The following BMPR1A variants were observed in gnomAD, a reference collection of about 807,000 sequenced individuals.
BMPR1A encodes bone morphogenetic protein receptor type 1A.
A neutral mutation model predicts 66.0 loss-of-function variants in BMPR1A; 7 were observed. The observed-to-expected ratio is 0.11, with a 90% CI of 0.06 to 0.20. BMPR1A has a LOEUF of 0.20. Among genes scored for constraint, BMPR1A ranks in the 10% least tolerant of loss-of-function variants. The pLI, the probability that BMPR1A is intolerant of heterozygous loss-of-function variation, is 1.00. For synonymous variants in BMPR1A, 200 were observed against 229.7 expected (o/e 0.87, Z 1.17); for missense variants, 408 against 669.1 (o/e 0.61, Z 4.31).
At chr10:86,820,037 AGTTTTTGTTTT>A (rs931643204) in intron 1 of BMPR1A, among the ~76,000 whole-genome samples, 3 of 151,976 alleles carry the variant, frequency 2.0e-5, no homozygotes, top group African/African-American at 7.2e-5. Flanking sequence ...TTTTTAGTTT[AGTTTTTGTTTT>A]GTTTTGTTTG....
chr10:86,929,744 A>G (rs1843790882), downstream of BMPR1A: 1 of 152,226 alleles, frequency 6.6e-6, no homozygotes, highest in African/African-American at 2.4e-5. Flanking sequence ...AACACTGAAT[A>G]AATGTATTCA....
In BMPR1A at chr10:86,906,755, A is replaced by AAAC. The variant is rs1843398383; in HGVS notation, c.531-5483_531-5482insCAA. ...AAAAAAAAAAAAAAAAAAAAAAAAA[A>AAAC]AAAAAAACACTTTGTCCTTTTATCT... is the stretch of plus-strand genomic sequence containing the variant. On this transcript the variant is annotated intron_variant, in intron 7 of 12. Transcript: ENST00000372037. Among the ~76,000 whole-genome samples, 2 of 35,026 alleles carry AAAC rather than the reference A, an allele frequency of 5.7e-5. 1 individual carries two copies. The highest frequency in any genetic ancestry group is 8.4e-5 in the Non-Finnish European group (2 of 23,760). 23.0% of individuals were successfully genotyped at this position (35,026 alleles called of 152,430 possible).
chr10:86,877,111 GGT>G (rs1842929041), intron 3 of BMPR1A, among the ~76,000 whole-genome samples: 1 of 152,058 alleles, frequency 6.6e-6, no homozygotes, highest in Non-Finnish European at 1.5e-5. Flanking sequence ...TTACTTCACA[GGT>G]TGCTTTTTCC....
At chr10:86,771,430 A>G (rs1302646413) in intron 1 of BMPR1A, among the ~76,000 whole-genome samples, 4 of 152,338 alleles carry the variant, frequency 2.6e-5, no homozygotes, top group African/African-American at 9.6e-5. Context: ...CTTACTCTGA[A>G]TCGATTTAAC....
chr10:86,856,399 A>G (rs535044230), intron 2 of BMPR1A, among the ~76,000 whole-genome samples: 1 of 152,230 alleles, frequency 6.6e-6, no homozygotes, highest in East Asian at 1.9e-4. Context: ...CCGAGGCACC[A>G]TCTCCCTACC....
chr10:86,921,793 C>T lies in BMPR1A; in HGVS notation c.1342+98C>T, dbSNP rs1189972840. The T allele has an allele frequency of 2.1e-6, 3 of 1,460,156 alleles. No individual in the cohort carries two copies. The East Asian group carries it at 6.9e-5, about 34-fold the overall frequency. 90.4% of individuals were successfully genotyped at this position (1,460,156 alleles called of 1,614,324 possible). A position where few individuals can be genotyped will look rare whatever the true frequency, so the allele number is the denominator to read the frequency against. ...CTTTTTAGTTTTTAATTTTTGTGGG[C>T]ACATAGTAGGTGTATATATTATTGG... On this transcript the variant is annotated intron_variant, in intron 11 of 12. Coordinates refer to ENST00000372037, the MANE Select transcript of BMPR1A (RefSeq NM_004329.3).
At chr10:86,932,348 A>G (rs558019627), downstream of BMPR1A, 1 of 152,270 alleles carries the variant, frequency 6.6e-6, no homozygotes, top group South Asian at 2.1e-4. Flanking sequence ...TATAGACCTT[A>G]CTGAAGTTTT....
chr10:86,761,746 A>G, intron 1 of BMPR1A, among the ~76,000 whole-genome samples: 1 of 152,204 alleles, frequency 6.6e-6, no homozygotes, highest in East Asian at 1.9e-4. Context: ...GGAGGCGATA[A>G]CTAGCGTGGA....
intron 2 of BMPR1A, chr10:86,843,327 C>A (rs1319707293): frequency 1.3e-5 from 2 of 152,138 alleles, no homozygotes; most frequent in Admixed American, 1.3e-4. Context: ...AAAGTTCTTT[C>A]TAATCTGTAT....
chr10:86,890,414 A>G (rs1359655806), intron 4 of BMPR1A, among the ~76,000 whole-genome samples, 190 bp downstream of exon 4: 1 of 152,072 alleles, frequency 6.6e-6, no homozygotes, highest in Non-Finnish European at 1.5e-5. Flanking sequence ...GTGAGTTACT[A>G]TATTAGAATT....
intron 2 of BMPR1A, among the ~76,000 whole-genome samples, chr10:86,862,117 C>T (rs1842719967): frequency 6.6e-6 from 1 of 152,102 alleles, no homozygotes; most frequent in Admixed American, 6.5e-5. Flanking sequence ...GAGCAGGTGG[C>T]AGGCAATAAA....
At chr10:86,851,805 G>A (rs1459073713) in intron 2 of BMPR1A, among the ~76,000 whole-genome samples, 1 of 152,194 alleles carries the variant, frequency 6.6e-6, no homozygotes, top group African/African-American at 2.4e-5. Flanking sequence ...TGGAGGAGAG[G>A]GGAGGAGAGT....
At chr10:86,901,826 T>A (rs2133468989) in intron 7 of BMPR1A, among the ~76,000 whole-genome samples, 1 of 152,250 alleles carries the variant, frequency 6.6e-6, no homozygotes, top group African/African-American at 2.4e-5. Flanking sequence ...TACATTGGTT[T>A]CTTTATTACA....
At position 86,866,399 on chromosome 10, in the gene BMPR1A, C is replaced by CTTTTTTTTTTTCTTTTTTTTTTTTTTTT. The variant is rs1589752897; in HGVS notation, c.-152-9457_-152-9456insCTTTTTTTTTTTTTTTTTTTTTTTTTTT. On this transcript the variant is annotated intron_variant, in intron 2 of 12. Transcript: ENST00000372037. ...TGTGTTAAGTTGGGCAAGTTTCTTT[C>CTTTTTTTTTTTCTTTTTTTTTTTTTTTT]TTTTTTTTTTTTTTTTTTTTTTTTT... Among the ~76,000 whole-genome samples, 7 of 69,472 alleles carry CTTTTTTTTTTTCTTTTTTTTTTTTTTTT rather than the reference C, an allele frequency of 1.0e-4. 2 individuals are homozygous for CTTTTTTTTTTTCTTTTTTTTTTTTTTTT. The highest frequency in any genetic ancestry group is 1.1e-4 in the African/African-American group (2 of 18,814). 45.6% of individuals were successfully genotyped at this position (69,472 alleles called of 152,430 possible). A position where few individuals can be genotyped will look rare whatever the true frequency, so the allele number is the denominator to read the frequency against.
intron 1 of BMPR1A, among the ~76,000 whole-genome samples, chr10:86,759,741 T>C (rs1841002208): frequency 6.6e-6 from 1 of 152,194 alleles, no homozygotes; most frequent in Non-Finnish European, 1.5e-5. Flanking sequence ...CATTTTAGAC[T>C]GGGATTATCT....
At chr10:86,804,970 T>C (rs1841869426) in intron 1 of BMPR1A, among the ~76,000 whole-genome samples, 1 of 152,144 alleles carries the variant, frequency 6.6e-6, no homozygotes, top group Non-Finnish European at 1.5e-5. Flanking sequence ...AGGATCTGCT[T>C]CTGGCCTCCT....
chr10:86,896,310 G>A (rs1390743922), intron 5 of BMPR1A, among the ~76,000 whole-genome samples: 1 of 151,872 alleles, frequency 6.6e-6, no homozygotes, highest in Admixed American at 6.6e-5. Context: ...AAGAAAAAAT[G>A]CCCTTTCCAA....
At chr10:86,930,032 G>T (rs1843792846), downstream of BMPR1A, 1 of 152,248 alleles carries the variant, frequency 6.6e-6, no homozygotes, top group East Asian at 1.9e-4. Flanking sequence ...TCAGCGCTTG[G>T]AGCATACAGT....
At chr10:86,771,497 A>G (rs931585310) in intron 1 of BMPR1A, among the ~76,000 whole-genome samples, 2 of 152,208 alleles carry the variant, frequency 1.3e-5, no homozygotes, top group Admixed American at 6.5e-5. Flanking sequence ...ACATGAGGAA[A>G]CTAAGGCTGC....
Sources: allele counts gnomAD v4.1 joint callset (sites outside exome capture counted in the v4.1 genomes callset), GRCh38; gene constraint gnomAD v4.1.1; transcripts MANE v1.5; gene names NCBI Gene and HGNC (gene_info 2026-07-23, HGNC 2026-07-21).